Variants in LMNTD1 observed in about 807,000 individuals in gnomAD.
The protein encoded by LMNTD1 is lamin tail domain-containing protein 1.
Under a neutral mutation model 50.9 loss-of-function variants are expected in LMNTD1, and 35 were observed. The ratio of observed to expected loss-of-function variants is 0.69; its 90% confidence interval spans 0.53 to 0.91. LMNTD1 has a LOEUF of 0.91. Among genes scored for constraint, LMNTD1 ranks in the 40% least tolerant of loss-of-function variants. The pLI is 0.00. For missense variants in LMNTD1, 470 were observed against 475.5 expected (o/e 0.99, Z 0.11); for synonymous variants, 153 against 161.9 (o/e 0.94, Z 0.42).
At chr12:25,597,895 C>G (rs1433290184) in intron 1 of LMNTD1, among the ~76,000 whole-genome samples, 1 of 152,136 alleles carries the variant, frequency 6.6e-6, no homozygotes, top group East Asian at 1.9e-4. Context: ...TGTCCCCACC[C>G]AAGTCTCACC....
chr12:25,501,574 T>C (rs1357940260), intron 9 of LMNTD1, among the ~76,000 whole-genome samples: 1 of 152,148 alleles, frequency 6.6e-6, no homozygotes, highest in Non-Finnish European at 1.5e-5. Context: ...AGTCTTAACT[T>C]TGCTACTTAC....
intron 1 of LMNTD1, among the ~76,000 whole-genome samples, chr12:25,597,944 C>A (rs1196829409): frequency 1.3e-5 from 2 of 152,128 alleles, no homozygotes; most frequent in African/African-American, 4.8e-5. Flanking sequence ...GGGAGGAGCT[C>A]AGTGGGAAGT....
upstream of LMNTD1, among the ~76,000 whole-genome samples, chr12:25,555,179 CTATT>C (rs144892075): frequency 0.031 from 4,641 of 151,776 alleles, 160 homozygotes; most frequent in African/African-American, 0.09. Context: ...TAGGATGTAA[CTATT>C]TATTGTTTAA....
At chr12:25,542,017 A>G (rs1373552448) in intron 4 of LMNTD1, among the ~76,000 whole-genome samples, 9 of 152,002 alleles carry the variant, frequency 5.9e-5, no homozygotes, top group Admixed American at 5.2e-4. Context: ...CAAAACCACA[A>G]TGAGATACCA....
At chr12:25,540,826 C>A (rs1943014541) in intron 4 of LMNTD1, among the ~76,000 whole-genome samples, 1 of 115,908 alleles carries the variant, frequency 8.6e-6, no homozygotes, top group Non-Finnish European at 1.9e-5. Flanking sequence ...TCTAGAAAAC[C>A]CCATTGTCTC....
At chr12:25,573,857 G>A (rs111952643) in intron 1 of LMNTD1, among the ~76,000 whole-genome samples, 43 of 151,998 alleles carry the variant, frequency 2.8e-4, no homozygotes, top group African/African-American at 9.7e-4. Context: ...GATCACTTTC[G>A]GAGCATCGTG....
intron 1 of LMNTD1, among the ~76,000 whole-genome samples, chr12:25,606,650 G>C (rs1946112105): frequency 6.6e-6 from 1 of 152,188 alleles, no homozygotes; most frequent in Admixed American, 6.5e-5. Context: ...ATTTGCATAT[G>C]TTGAACCAGC....
At chr12:25,554,920 G>T (rs1326098999), upstream of LMNTD1, among the ~76,000 whole-genome samples, 3 of 152,028 alleles carry the variant, frequency 2.0e-5, no homozygotes, top group Non-Finnish European at 4.4e-5. Flanking sequence ...ACAAAAATCA[G>T]CTGGGTGTGG....
At chr12:25,600,806 T>C (rs1490120137) in intron 1 of LMNTD1, among the ~76,000 whole-genome samples, 1 of 152,056 alleles carries the variant, frequency 6.6e-6, no homozygotes, top group African/African-American at 2.4e-5. Flanking sequence ...TAAGAAATGC[T>C]GGTGAGGTTG....
chr12:25,646,307 C>T (rs1947070257), intron 1 of LMNTD1, among the ~76,000 whole-genome samples: 1 of 152,030 alleles, frequency 6.6e-6, no homozygotes, highest in Non-Finnish European at 1.5e-5. Context: ...TTACCCTCCT[C>T]TCAGCTCCCT....
chr12:25,553,072 T>A lies in LMNTD1; in HGVS notation c.-34A>T. On this transcript the variant is annotated 5_prime_UTR_variant, in exon 1 of 10. Transcript: ENST00000458174. ...TTTCTTTTCAAAGTGACCTCACCTG[T>A]TAATCCAACTACCTTCAAGCATCAG... 1 of 1,613,290 alleles carries A rather than the reference T, an allele frequency of 6.2e-7. No homozygotes were observed. The highest frequency in any genetic ancestry group is 8.5e-7 in the Non-Finnish European group (1 of 1,179,288).
At chr12:25,634,943 TA>T (rs145708720) in intron 1 of LMNTD1, among the ~76,000 whole-genome samples, 13 of 152,072 alleles carry the variant, frequency 8.5e-5, no homozygotes, top group Admixed American at 1.3e-4. Context: ...CTAGAACTTA[TA>T]AAAAAAATTC....
At chr12:25,538,383 A>C (rs1231248660) in intron 4 of LMNTD1, among the ~76,000 whole-genome samples, 1 of 151,422 alleles carries the variant, frequency 6.6e-6, no homozygotes, top group Admixed American at 6.6e-5. Flanking sequence ...TCTAGGCAGA[A>C]ACCCTACAAG....
intron 9 of LMNTD1, among the ~76,000 whole-genome samples, chr12:25,493,993 G>A (rs1244097793): frequency 1.3e-5 from 2 of 152,262 alleles, no homozygotes; most frequent in Non-Finnish European, 2.9e-5. Context: ...TGTCAGGACC[G>A]CTTTGCCAAC....
intron 9 of LMNTD1, among the ~76,000 whole-genome samples, chr12:25,488,629 A>T (rs1938752983): frequency 6.6e-6 from 1 of 151,426 alleles, no homozygotes; most frequent in Non-Finnish European, 1.5e-5. Flanking sequence ...TTCTTCTCTC[A>T]GCTCGTCAAA....
At chr12:25,505,086 A>G (rs1809048231) in intron 8 of LMNTD1, among the ~76,000 whole-genome samples, 1 of 152,200 alleles carries the variant, frequency 6.6e-6, no homozygotes, top group Non-Finnish European at 1.5e-5. Flanking sequence ...AGAGCTACAA[A>G]CATCTGTAGA....
At chr12:25,512,525 T>TA (rs755074996) in intron 8 of LMNTD1, among the ~76,000 whole-genome samples, 11 of 152,140 alleles carry the variant, frequency 7.2e-5, no homozygotes, top group Non-Finnish European at 1.6e-4. Context: ...TTTATAACAT[T>TA]AAAAAAAGAT....
At chr12:25,543,142 A>T (rs1337898626) in intron 4 of LMNTD1, among the ~76,000 whole-genome samples, 1 of 151,990 alleles carries the variant, frequency 6.6e-6, no homozygotes, top group Non-Finnish European at 1.5e-5. Context: ...AAACTTTACC[A>T]CCAAGAAATT....
intron 1 of LMNTD1, among the ~76,000 whole-genome samples, chr12:25,563,925 G>GGCGTGGGACCCTCCAAGCCAT (rs1944444949): frequency 9.2e-5 from 14 of 152,314 alleles, no homozygotes; most frequent in Middle Eastern, 3.4e-3. Context: ...AGGCTCCGTA[G>GGCGTGGGACCCTCCAAGCCAT]GCGTGGGACC....
Sources: allele counts gnomAD v4.1 joint callset (sites outside exome capture counted in the v4.1 genomes callset), GRCh38; gene constraint gnomAD v4.1.1; transcripts MANE v1.5; gene names NCBI Gene and HGNC (gene_info 2026-07-23, HGNC 2026-07-21).